The following TXLNB variants were observed in gnomAD, a reference collection of about 807,000 sequenced individuals.
TXLNB encodes beta-taxilin.
In TXLNB, 37 loss-of-function variants were observed where a neutral mutation model predicts 57.4. The observed-to-expected ratio is 0.64, with a 90% CI of 0.50 to 0.85. The LOEUF (loss-of-function observed/expected upper bound fraction) is 0.85, where lower values mean the gene tolerates loss of function less well. TXLNB is among the 40% of genes least tolerant of loss of function. The probability of loss-of-function intolerance (pLI) is 0.00; values close to 1 mark genes in which losing one functional copy is unlikely to be tolerated. For synonymous variants in TXLNB, 302 were observed against 309.6 expected, an observed-to-expected ratio of 0.98 and a Z score of 0.26; for missense variants, 848 against 825.6, an observed-to-expected ratio of 1.03 and a Z score of -0.33.
chr6:139,239,236 A>G (rs1234897451), downstream of TXLNB: 9 of 152,274 alleles, frequency 5.9e-5, no homozygotes, highest in Non-Finnish European at 4.4e-5. This position sits in a 1 kb window ranked among gnomAD's most constrained non-coding sequence, Gnocchi z 4.7. Context: ...GTTCGATGAA[A>G]TTCTTGGAGC....
chr6:139,311,047 G>T, the TXLNB span, among the ~76,000 whole-genome samples: 1 of 152,206 alleles, frequency 6.6e-6, no homozygotes, highest in Non-Finnish European at 1.5e-5. Flanking sequence ...TAAGTACTAA[G>T]ATATAATAAT....
At chr6:139,229,176 T>C in the TXLNB span, among the ~76,000 whole-genome samples, 2 of 152,130 alleles carry the variant, frequency 1.3e-5, no homozygotes, top group African/African-American at 4.8e-5. Flanking sequence ...CTCCTACAAA[T>C]GTACGAGAAA....
the TXLNB span, among the ~76,000 whole-genome samples, chr6:139,223,610 A>T: frequency 6.6e-6 from 1 of 152,008 alleles, no homozygotes; most frequent in African/African-American, 2.4e-5. Flanking sequence ...AAAAAAACAA[A>T]CAACCCCATC....
chr6:139,190,313 T>C, the TXLNB span, among the ~76,000 whole-genome samples: 45 of 144,734 alleles, frequency 3.1e-4, no homozygotes, highest in South Asian at 1.3e-3. Flanking sequence ...TTCTTTCTTT[T>C]TTTTTTTTTT....
At chr6:139,270,822 C>T (rs1435149772) in intron 3 of TXLNB, among the ~76,000 whole-genome samples, 196 bp from the exon 4 acceptor site, 7 of 152,156 alleles carry the variant, frequency 4.6e-5, no homozygotes, top group Admixed American at 1.3e-4. Flanking sequence ...TAGAACACAG[C>T]ATTGATAGGT....
chr6:139,228,526 CAAAAAAA>C, the TXLNB span, among the ~76,000 whole-genome samples: 9 of 44,300 alleles, frequency 2.0e-4, no homozygotes, highest in African/African-American at 6.5e-4. Flanking sequence ...AACTCCATCT[CAAAAAAA>C]AAAAAAAAAA....
chr6:139,167,139 A>G, the TXLNB span: 1 of 1,614,172 alleles, frequency 6.2e-7, no homozygotes, highest in African/African-American at 1.3e-5. Flanking sequence ...CAAGTGGGCC[A>G]GGGGGAAGAC....
intron 2 of TXLNB, among the ~76,000 whole-genome samples, chr6:139,281,682 G>A (rs1329262170): frequency 9.2e-6 from 1 of 108,788 alleles, no homozygotes; most frequent in Non-Finnish European, 1.7e-5. Flanking sequence ...CCGAGTAGCT[G>A]GGACTACAGG....
chr6:139,291,114 A>G (rs1451082071), intron 1 of TXLNB, among the ~76,000 whole-genome samples: 1 of 152,224 alleles, frequency 6.6e-6, no homozygotes, highest in Non-Finnish European at 1.5e-5. Flanking sequence ...TCATCTATAT[A>G]TAACTTAGGC....
At chr6:139,216,329 A>G in the TXLNB span, among the ~76,000 whole-genome samples, 1 of 151,826 alleles carries the variant, frequency 6.6e-6, no homozygotes, top group East Asian at 1.9e-4. Context: ...TTGTAGGGAC[A>G]TGGATGAAGC....
chr6:139,164,525 T>A, the TXLNB span, among the ~76,000 whole-genome samples: 14 of 152,192 alleles, frequency 9.2e-5, no homozygotes, highest in African/African-American at 3.1e-4. Flanking sequence ...CATTAAGAAT[T>A]GGCGATGTAG....
chr6:139,219,293 G>C, the TXLNB span, among the ~76,000 whole-genome samples: 1 of 152,220 alleles, frequency 6.6e-6, no homozygotes. Flanking sequence ...TTTCAGTCCA[G>C]TTGCTGGGTA....
At chr6:139,202,934 A>T in the TXLNB span, among the ~76,000 whole-genome samples, 1 of 152,192 alleles carries the variant, frequency 6.6e-6, no homozygotes, top group Admixed American at 6.5e-5. Flanking sequence ...GCTCCCACAT[A>T]TGAGTGAGAA....
the TXLNB span, among the ~76,000 whole-genome samples, chr6:139,206,812 A>G: frequency 2.0e-5 from 3 of 152,220 alleles, no homozygotes; most frequent in Middle Eastern, 3.2e-3. Flanking sequence ...AAGATATTCC[A>G]CACAAATGGA....
At chr6:139,167,057 C>T in the TXLNB span, 1 of 1,614,062 alleles carries the variant, frequency 6.2e-7, no homozygotes, top group African/African-American at 1.3e-5. Flanking sequence ...GCGGCTGGAC[C>T]TCTCCGAACT....
chr6:139,280,912 T>C (rs910619400), intron 2 of TXLNB, among the ~76,000 whole-genome samples: 2 of 152,174 alleles, frequency 1.3e-5, no homozygotes, highest in Admixed American at 6.5e-5. Context: ...TGAGCATCTA[T>C]AGATATCTTT....
At chr6:139,205,763 G>T in the TXLNB span, among the ~76,000 whole-genome samples, 1 of 152,130 alleles carries the variant, frequency 6.6e-6, no homozygotes, top group African/African-American at 2.4e-5. Context: ...CCTATTTGAG[G>T]GAATAACTGA....
the TXLNB span, among the ~76,000 whole-genome samples, chr6:139,205,248 C>T: frequency 6.6e-6 from 1 of 152,224 alleles, no homozygotes; most frequent in Non-Finnish European, 1.5e-5. Context: ...TTGCCTCAGA[C>T]TCCTGAGTAA....
chr6:139,192,664 G>A, the TXLNB span, among the ~76,000 whole-genome samples: 2 of 152,152 alleles, frequency 1.3e-5, no homozygotes, highest in Non-Finnish European at 2.9e-5. Context: ...ACTGTTGTGG[G>A]TCGGGCATGA....
Sources: allele counts gnomAD v4.1 joint callset (sites outside exome capture counted in the v4.1 genomes callset), GRCh38; gene constraint gnomAD v4.1.1; non-coding constraint Gnocchi (gnomAD v3.1); transcripts MANE v1.5; gene names NCBI Gene and HGNC (gene_info 2026-07-23, HGNC 2026-07-21).